SEMA3D: variants seen among roughly 807,000 people sequenced by gnomAD.
The protein encoded by SEMA3D is semaphorin-3D.
A neutral mutation model predicts 100.1 loss-of-function variants in SEMA3D; 84 were observed. The ratio of observed to expected loss-of-function variants is 0.84; its 90% CI spans 0.70 to 1.01. The LOEUF (loss-of-function observed/expected upper bound fraction) is 1.01, where lower values mean the gene tolerates loss of function less well. Among genes scored for constraint, SEMA3D ranks in the 50% least tolerant of loss-of-function variants. The pLI, the probability that SEMA3D is intolerant of heterozygous loss-of-function variation, is 0.00. For missense variants in SEMA3D, 875 were observed against 934.1 expected (o/e 0.94, Z 0.82); for synonymous variants, 312 against 320.7 (o/e 0.97, Z 0.29).
chr7:85,169,866 C>T (rs1232297773), intron 1 of SEMA3D, among the ~76,000 whole-genome samples: 3 of 151,276 alleles, frequency 2.0e-5, no homozygotes, highest in Non-Finnish European at 4.4e-5. Flanking sequence ...TTCTTAAGAA[C>T]TGATAGATTG....
chr7:85,212,027 G>A, the SEMA3D span, among the ~76,000 whole-genome samples: 1 of 152,050 alleles, frequency 6.6e-6, no homozygotes, highest in Non-Finnish European at 1.5e-5. Flanking sequence ...GACCATGCCT[G>A]ATGCCATCAC....
chr7:85,022,339 T>A, intron 13 of SEMA3D, 52 bp downstream of exon 13: 1 of 1,227,508 alleles, frequency 8.1e-7, no homozygotes, highest in Admixed American at 1.7e-5. Flanking sequence ...CTTCTCTTTG[T>A]CTAATAATGA....
chr7:85,233,241 GA>G, the SEMA3D span, among the ~76,000 whole-genome samples: 248 of 140,986 alleles, frequency 1.8e-3, 1 homozygote, highest in East Asian at 0.021. Flanking sequence ...TAGCGCGAAT[GA>G]AAAAAAAAAA....
the SEMA3D span, among the ~76,000 whole-genome samples, chr7:85,209,361 C>T: frequency 6.6e-6 from 1 of 151,586 alleles, no homozygotes; most frequent in African/African-American, 2.4e-5. Flanking sequence ...AAACTTTGTG[C>T]AAATTATTGT....
chr7:85,067,191 T>C (rs1791652358), intron 7 of SEMA3D, among the ~76,000 whole-genome samples: 1 of 152,172 alleles, frequency 6.6e-6, no homozygotes, highest in South Asian at 2.1e-4. Flanking sequence ...ACACAAAAAT[T>C]AGATCTGAAT....
At chr7:85,244,704 C>G in the SEMA3D span, among the ~76,000 whole-genome samples, 1 of 140,356 alleles carries the variant, frequency 7.1e-6, no homozygotes, top group African/African-American at 2.6e-5. Context: ...ATGTACTGCA[C>G]AATCTTTTTT....
intron 6 of SEMA3D, among the ~76,000 whole-genome samples, chr7:85,071,122 G>A (rs1415669787): frequency 2.6e-5 from 4 of 152,170 alleles, no homozygotes; most frequent in East Asian, 3.9e-4. Flanking sequence ...AGCAGGTTGC[G>A]AGTTTGGCCT....
intron 8 of SEMA3D, among the ~76,000 whole-genome samples, chr7:85,060,900 A>C (rs527834995): frequency 6.6e-6 from 1 of 152,324 alleles, no homozygotes; most frequent in East Asian, 1.9e-4. Flanking sequence ...GTTCTCATCT[A>C]TTCCAAGAAA....
chr7:85,137,036 AT>A (rs1223755179), intron 2 of SEMA3D, among the ~76,000 whole-genome samples: 3 of 152,058 alleles, frequency 2.0e-5, no homozygotes, highest in Non-Finnish European at 2.9e-5. Flanking sequence ...GTCTATGAAT[AT>A]TTTTTAAATG....
At chr7:85,065,604 C>A (rs1403100887) in intron 7 of SEMA3D, 52 bp from the exon 8 acceptor site, 11 of 1,428,184 alleles carry the variant, frequency 7.7e-6, no homozygotes, top group Non-Finnish European at 1.1e-5. Context: ...GCAGTAGATG[C>A]TATTTAACAT....
At chr7:85,138,189 G>A (rs62462189) in intron 2 of SEMA3D, among the ~76,000 whole-genome samples, 84,471 of 152,120 alleles carry the variant, frequency 0.56, 24,681 homozygotes, top group African/African-American at 0.75. Flanking sequence ...AAACATAATA[G>A]TTATCTGCTG....
chr7:85,207,066 C>T, the SEMA3D span, among the ~76,000 whole-genome samples: 1 of 152,008 alleles, frequency 6.6e-6, no homozygotes, highest in Non-Finnish European at 1.5e-5. Context: ...GTAATTGTTA[C>T]ATACTTATCA....
At chr7:85,141,597 T>G (rs1470793035) in intron 2 of SEMA3D, 1 of 983,976 alleles carries the variant, frequency 1.0e-6, no homozygotes. Context: ...CCCTTCTTTG[T>G]GATCTCTATA....
intron 1 of SEMA3D, among the ~76,000 whole-genome samples, chr7:85,163,892 G>T (rs1051125360): frequency 1.3e-5 from 2 of 152,178 alleles, no homozygotes; most frequent in Admixed American, 6.5e-5. Context: ...ACTGAGTAAA[G>T]TTACAGACTC....
chr7:85,012,879 C>G, intron 16 of SEMA3D, 33 bp from the exon 17 acceptor site: 1 of 1,539,052 alleles, frequency 6.5e-7, no homozygotes, highest in Non-Finnish European at 9.0e-7. Flanking sequence ...ATTAGAACTT[C>G]AAGCATGATT....
chr7:85,221,091 A>C, the SEMA3D span, among the ~76,000 whole-genome samples: 1 of 152,092 alleles, frequency 6.6e-6, no homozygotes, highest in Non-Finnish European at 1.5e-5. Context: ...GAACAGAAAC[A>C]GACAAAACTA....
At chr7:85,205,285 G>C in the SEMA3D span, among the ~76,000 whole-genome samples, 2 of 151,960 alleles carry the variant, frequency 1.3e-5, no homozygotes, top group African/African-American at 4.8e-5. Flanking sequence ...GAATACATTT[G>C]TCTATTTCAA....
At chr7:85,043,146 C>A (rs1790909589) in intron 9 of SEMA3D, among the ~76,000 whole-genome samples, 1 of 152,030 alleles carries the variant, frequency 6.6e-6, no homozygotes, top group Admixed American at 6.6e-5. Context: ...TCAGCTGAAC[C>A]CAGTAGTTCG....
chr7:85,222,760 G>A, the SEMA3D span, among the ~76,000 whole-genome samples: 1 of 151,978 alleles, frequency 6.6e-6, no homozygotes, highest in Non-Finnish European at 1.5e-5. Flanking sequence ...CCAGGACCTA[G>A]GAGATAACTA....
Sources: gnomAD v4.1 joint callset for allele counts (sites outside exome capture counted in the v4.1 genomes callset) on GRCh38, gnomAD v4.1.1 for gene constraint, MANE v1.5 for transcripts, NCBI Gene and HGNC (gene_info 2026-07-23, HGNC 2026-07-21) for gene names.